Variants in OXCT1 observed in about 807,000 individuals in gnomAD.
OXCT1 encodes 3-oxoacid CoA-transferase 1.
OXCT1 carries 27 observed loss-of-function variants against 69.6 expected under a neutral mutation model. The ratio of observed to expected loss-of-function variants is 0.39; its 90% CI spans 0.29 to 0.54. The LOEUF is 0.54. OXCT1 is among the 20% of genes least tolerant of loss of function. The pLI is 0.72. For missense variants in OXCT1, 437 were observed against 650.2 expected, an observed-to-expected ratio of 0.67 and a Z score of 3.57; for synonymous variants, 202 against 217.8, an observed-to-expected ratio of 0.93 and a Z score of 0.64.
At chr5:41,844,632 CCT>C (rs1748802863) in intron 5 of OXCT1, among the ~76,000 whole-genome samples, 2 of 151,980 alleles carry the variant, frequency 1.3e-5, no homozygotes, top group African/African-American at 4.8e-5. Context: ...TAGACTCTCC[CCT>C]GATATGACGT....
intron 7 of OXCT1, among the ~76,000 whole-genome samples, chr5:41,810,457 C>G (rs1403951425): frequency 6.6e-6 from 1 of 152,042 alleles, no homozygotes; most frequent in Non-Finnish European, 1.5e-5. Flanking sequence ...TAAGAACAAC[C>G]CGGACTTCTC....
chr5:41,754,745 A>C (rs1743976312), intron 14 of OXCT1, among the ~76,000 whole-genome samples: 1 of 152,070 alleles, frequency 6.6e-6, no homozygotes, highest in Admixed American at 6.6e-5. Flanking sequence ...TTCAGTAGAG[A>C]GACTCAGCTA....
intron 13 of OXCT1, among the ~76,000 whole-genome samples, chr5:41,783,037 C>G (rs1205277086): frequency 2.6e-5 from 4 of 152,088 alleles, no homozygotes; most frequent in Non-Finnish European, 5.9e-5. Flanking sequence ...TGAAAAGAAT[C>G]CTTTTATAAA....
intron 12 of OXCT1, 33 bp downstream of exon 12, chr5:41,794,644 G>T: frequency 6.3e-7 from 1 of 1,588,074 alleles, no homozygotes; most frequent in Non-Finnish European, 8.6e-7. Context: ...ATTCCATACT[G>T]TCTGAAACAT....
At chr5:41,821,214 G>A (rs185280774) in intron 7 of OXCT1, among the ~76,000 whole-genome samples, 244 of 152,164 alleles carry the variant, frequency 1.6e-3, no homozygotes, top group Non-Finnish European at 2.1e-3. Context: ...TTTAACCAAA[G>A]TATTGTTTTT....
intron 5 of OXCT1, among the ~76,000 whole-genome samples, chr5:41,843,259 G>A (rs1306852078): frequency 6.6e-6 from 1 of 152,110 alleles, no homozygotes; most frequent in Admixed American, 6.6e-5. Context: ...GGGATTCACA[G>A]AATCAGTAAA....
intron 7 of OXCT1, among the ~76,000 whole-genome samples, chr5:41,830,140 A>C (rs999742442): frequency 1.2e-4 from 19 of 152,208 alleles, no homozygotes; most frequent in Admixed American, 1.2e-3. Flanking sequence ...AAGAATAAGG[A>C]AAATAAATGT....
At chr5:41,840,597 A>C (rs1748581632) in intron 6 of OXCT1, 86 bp from the exon 7 acceptor site, 1 of 780,654 alleles carries the variant, frequency 1.3e-6, no homozygotes, top group Admixed American at 2.2e-5. Context: ...ATAGATTAGA[A>C]TTTCTATGAA....
chr5:41,793,568 G>A (rs985341970), intron 13 of OXCT1, among the ~76,000 whole-genome samples: 2 of 152,148 alleles, frequency 1.3e-5, no homozygotes, highest in African/African-American at 4.8e-5. Flanking sequence ...GATTATTTAT[G>A]GGGTCACATG....
In OXCT1 at chr5:41,730,633, A is replaced by G. The variant is rs1246102288; in HGVS notation, c.*1096T>C. On this transcript the variant is annotated 3_prime_UTR_variant, in exon 17 of 17. Coordinates refer to ENST00000196371, the MANE Select transcript of OXCT1 (RefSeq NM_000436.4). ...CATGGGCCCCTGTCAGGTATTGAGA[A>G]TAAATACCTCTAAGGAAGTTTTTTT... is the stretch of plus-strand genomic sequence containing the variant. The G allele has an allele frequency of 6.6e-6, 1 of 152,148 alleles. No individual in the cohort carries two copies. The highest frequency in any genetic ancestry group is 1.5e-5 in the Non-Finnish European group (1 of 68,028). 9.4% of individuals were successfully genotyped at this position (152,148 alleles called of 1,614,324 possible).
At chr5:41,805,968 A>T (rs1282700610) in intron 8 of OXCT1, among the ~76,000 whole-genome samples, 1 of 152,080 alleles carries the variant, frequency 6.6e-6, no homozygotes, top group East Asian at 1.9e-4. Flanking sequence ...TCCTTCTGTT[A>T]TTCTTCCAAC....
rs190171963 is a variant in OXCT1 at position 41,869,392 on chromosome 5, G to A, written c.78+889C>T. On this transcript the variant is annotated intron_variant, in intron 1 of 16. Coordinates refer to ENST00000196371, the MANE Select transcript of OXCT1 (RefSeq NM_000436.4). ...ATAAAGCCACCCTCCTGGACCTGGC[G>A]CTCTGGTCCTGTAATTCGCTCCTAG... 1.8e-3 allele frequency among the ~76,000 whole-genome samples: 279 copies of A among 152,308 alleles called. 2 individuals carry two copies. The highest frequency in any genetic ancestry group is 0.014 in the Admixed American group (216 of 15,306).
chr5:41,853,285 T>C (rs755401746), intron 4 of OXCT1, 134 bp downstream of exon 4: 61 of 731,230 alleles, frequency 8.3e-5, no homozygotes, highest in Non-Finnish European at 1.4e-4. Flanking sequence ...AGGTGTGAGT[T>C]AGAAACAAAA....
chr5:41,830,049 G>A (rs1325741493), intron 7 of OXCT1, among the ~76,000 whole-genome samples: 1 of 152,124 alleles, frequency 6.6e-6, no homozygotes, highest in Non-Finnish European at 1.5e-5. Flanking sequence ...ATGTGGCACA[G>A]AATTTACAGA....
intron 15 of OXCT1, among the ~76,000 whole-genome samples, chr5:41,745,826 T>C (rs1430971032): frequency 6.6e-6 from 1 of 152,068 alleles, no homozygotes; most frequent in African/African-American, 2.4e-5. Context: ...CCTCGACACA[T>C]ACACCCTCCC....
At chr5:41,834,024 T>C (rs1030318243) in intron 7 of OXCT1, among the ~76,000 whole-genome samples, 1 of 149,682 alleles carries the variant, frequency 6.7e-6, no homozygotes, top group Admixed American at 6.7e-5. Flanking sequence ...AAAAAAAGCA[T>C]AGAGTTTGTA....
chr5:41,847,852 C>T (rs1487734610), intron 5 of OXCT1, among the ~76,000 whole-genome samples: 1 of 149,538 alleles, frequency 6.7e-6, no homozygotes, highest in Admixed American at 6.6e-5. Context: ...TGGAAGCATT[C>T]CCTTTGAAAA....
rs1746979274 is a variant in OXCT1, at chr5:41,811,363, T to A, written c.733-3925A>T. 2.6e-5 allele frequency among the ~76,000 whole-genome samples: 4 copies of A among 152,206 alleles called. No individual in the cohort carries two copies. The South Asian group carries it at 8.3e-4, about 32-fold the overall frequency. ...ATGGTAATGAATATCCCAATTACCC[T>A]GATTTTACCTTTATGTTATACGAAT... On this transcript the variant is annotated intron_variant, in intron 7 of 16. Transcript: ENST00000196371.
chr5:41,780,107 A>C (rs1745323517), intron 13 of OXCT1, among the ~76,000 whole-genome samples: 1 of 152,162 alleles, frequency 6.6e-6, no homozygotes, highest in Non-Finnish European at 1.5e-5. Context: ...AGTCTGAGGA[A>C]ATTAAAGGTA....
Sources: allele counts gnomAD v4.1 joint callset (sites outside exome capture counted in the v4.1 genomes callset), GRCh38; gene constraint gnomAD v4.1.1; transcripts MANE v1.5; gene names NCBI Gene and HGNC (gene_info 2026-07-23, HGNC 2026-07-21).